KMT2C: variants seen among roughly 807,000 people sequenced by gnomAD.
The protein encoded by KMT2C is lysine methyltransferase 2C, also known as histone-lysine N-methyltransferase 2C.
KMT2C carries 88 observed loss-of-function variants against 507.9 expected under a neutral mutation model. The observed-to-expected ratio is 0.17, with a 90% CI of 0.15 to 0.21. The LOEUF is 0.21. Ranked by LOEUF, KMT2C falls within the 10% of genes least tolerant of loss-of-function variation. KMT2C has a pLI of 1.00. For synonymous variants in KMT2C, 2,049 were observed against 2,080.8 expected, an observed-to-expected ratio of 0.98 and a Z score of 0.42; for missense variants, 4,954 against 5,957.8, an observed-to-expected ratio of 0.83 and a Z score of 5.55.
At chr7:152,430,142 C>G (rs112514024) in intron 1 of KMT2C, among the ~76,000 whole-genome samples, 1 of 149,374 alleles carries the variant, frequency 6.7e-6, no homozygotes, top group African/African-American at 2.5e-5. Context: ...CACGCCACTG[C>G]ACTCCAGCCT....
chr7:152,224,599 A>T lies in KMT2C; in HGVS notation c.2994T>A (p.Leu998=), dbSNP rs761491435. Residue 998 remains leucine, a synonymous_variant, in exon 19 of 59, where the codon CTT becomes CTA. Coordinates refer to ENST00000262189, the MANE Select transcript of KMT2C (RefSeq NM_170606.3). ...CVSIKITKVV[L]SKGWRCLECT... ...ACTCAAGACACCTCCAACCTTTGCT[A>T]AGAACCACTTTAGTGATCTGTAAAA... The T allele has an allele frequency of 1.3e-5, 20 of 1,573,358 alleles. No individual in the cohort carries two copies. Among genetic ancestry groups the T allele is most frequent in the Admixed American group, 3.4e-5 (2 of 59,524 alleles).
At position 152,163,604 on chromosome 7, in the gene KMT2C, T is replaced by C; in HGVS notation, c.9973A>G (p.Ser3325Gly). ...QHTTVISGHT[S>G]PVRMPSLPGW... ...GGTAAACTGGGCATTCTAACAGGGC[T>C]AGTATGGCCAGAAATAACTGTTGTG... Residue 3325 changes from serine to glycine, a missense_variant, in exon 43 of 59, where the codon AGC becomes GGC. By Grantham distance (56) the Ser-to-Gly change is moderately conservative. This residue lies in a region of KMT2C where 801 missense variants were observed against 751.2 expected (regional missense o/e 1.07). Coordinates refer to ENST00000262189, the MANE Select transcript of KMT2C (RefSeq NM_170606.3). 3 of 1,606,710 alleles carry C rather than the reference T, an allele frequency of 1.9e-6. No homozygotes were observed. The highest frequency in any genetic ancestry group is 2.6e-6 in the Non-Finnish European group (3 of 1,175,672).
At chr7:152,433,787 C>T (rs1354440435) in intron 1 of KMT2C, among the ~76,000 whole-genome samples, 4 of 152,384 alleles carry the variant, frequency 2.6e-5, no homozygotes, top group Middle Eastern at 3.4e-3. Context: ...GTCCAGTGCA[C>T]TCAGGAGCTG....
intron 23 of KMT2C, among the ~76,000 whole-genome samples, chr7:152,209,365 G>A (rs1365864584): frequency 6.6e-6 from 1 of 150,752 alleles, no homozygotes; most frequent in Non-Finnish European, 1.5e-5. Flanking sequence ...GCTGAGGCAG[G>A]AGCATGGCGT....
intron 1 of KMT2C, among the ~76,000 whole-genome samples, chr7:152,375,208 G>A (rs918766288): frequency 2.0e-5 from 3 of 151,720 alleles, no homozygotes; most frequent in Non-Finnish European, 4.4e-5. Context: ...ACACCCAGCT[G>A]ATTTTTTATT....
intron 1 of KMT2C, among the ~76,000 whole-genome samples, chr7:152,364,254 G>A (rs1409064024): frequency 6.6e-6 from 1 of 152,152 alleles, no homozygotes; most frequent in Admixed American, 6.5e-5. Context: ...GAATATGAGA[G>A]AAACAGAAGA....
chr7:152,167,375 T>A lies in KMT2C; in HGVS notation c.9521A>T (p.Asp3174Val). 1.3e-6 allele frequency: 2 copies of A among 1,594,510 alleles called. No homozygotes were observed. The highest frequency in any genetic ancestry group is 1.7e-6 in the Non-Finnish European group (2 of 1,165,450). Residue 3174 changes from aspartate to valine, a missense_variant, in exon 42 of 59, where the codon GAT becomes GTT. Physicochemically the swap from Asp to Val is radical, Grantham distance 152. This residue lies in a region of KMT2C where 71 missense variants were observed against 139.2 expected (regional missense o/e 0.51). Coordinates refer to ENST00000262189, the MANE Select transcript of KMT2C (RefSeq NM_170606.3). ...CTCTTCATACTGCTTACGCTGTGAATCATCTGAGGAAAAATTAAAATTCAG... is the reference window on the plus strand; with the variant it reads ...CTCTTCATACTGCTTACGCTGTGAAACATCTGAGGAAAAATTAAAATTCAG... ...PPNFGPGFVN[D>V]SQRKQYEEWL...
chr7:152,188,383 G>T (rs1176574736), intron 31 of KMT2C, among the ~76,000 whole-genome samples: 2 of 151,642 alleles, frequency 1.3e-5, no homozygotes, highest in Non-Finnish European at 2.9e-5. Flanking sequence ...CTGTTATTTG[G>T]GTTAATTGAG....
chr7:152,177,057 T>A lies in KMT2C; in HGVS notation c.8396A>T (p.Gln2799Leu), dbSNP rs2129114138. ...AGAGAGAACCAGAGTTTTGTTTTCTTGTTCCTTTTTTTTTGGTTCAACAGA... is the reference window on the plus strand; with the variant it reads ...AGAGAGAACCAGAGTTTTGTTTTCTAGTTCCTTTTTTTTTGGTTCAACAGA... ...CVSVEPKKKE[Q>L]ENKTLVLSDK... is the part of the protein sequence containing the mutation. Residue 2799 changes from glutamine (Q) to leucine (L), a missense_variant, in exon 38 of 59, where the codon CAA (glutamine) becomes CTA (leucine). Around this residue, in one of 29 missense-constraint regions of KMT2C, gnomAD observed 1,689 missense variants for 1,654.3 expected, o/e 1.02. Coordinates refer to ENST00000262189, the MANE Select transcript of KMT2C (RefSeq NM_170606.3). The A allele has an allele frequency of 6.2e-7, 1 of 1,612,482 alleles. No individual in the cohort carries two copies. The highest frequency in any genetic ancestry group is 8.5e-7 in the Non-Finnish European group (1 of 1,179,700).
chr7:152,297,005 G>GAAAGAA (rs2096507627), intron 6 of KMT2C, among the ~76,000 whole-genome samples: 2 of 56,476 alleles, frequency 3.5e-5, no homozygotes, highest in African/African-American at 2.0e-4. Context: ...GAAAAAGAAA[G>GAAAGAA]AAAGAAAGAA....
intron 39 of KMT2C, among the ~76,000 whole-genome samples, chr7:152,173,633 C>G (rs1214588566): frequency 6.6e-6 from 1 of 152,154 alleles, no homozygotes; most frequent in Non-Finnish European, 1.5e-5. Flanking sequence ...CTGTTTTTCT[C>G]CTAAGAGAGA....
At chr7:152,150,226 G>A (rs917432473) in intron 51 of KMT2C, among the ~76,000 whole-genome samples, 4 of 152,304 alleles carry the variant, frequency 2.6e-5, no homozygotes, top group African/African-American at 9.6e-5. Flanking sequence ...CATACTGTGA[G>A]CAAAGTGTTT....
In KMT2C at chr7:152,185,119, T is replaced by C. The variant is rs570428827; in HGVS notation, c.5082+439A>G. Among the ~76,000 whole-genome samples, 12 of 152,286 alleles carry C rather than the reference T, an allele frequency of 7.9e-5. No homozygotes were observed. In the East Asian group the frequency reaches 2.3e-3, roughly 29 times the overall value. On this transcript the variant is annotated intron_variant, in intron 34 of 58. Transcript: ENST00000262189. ...AATACTTAACACAATATAAATGCTATGTAAATCGTTGTTACATTGTTTTAA... is the reference window on the plus strand; with the variant it reads ...AATACTTAACACAATATAAATGCTACGTAAATCGTTGTTACATTGTTTTAA...
intron 27 of KMT2C, among the ~76,000 whole-genome samples, chr7:152,196,864 G>A (rs1046415710): frequency 1.4e-4 from 22 of 152,130 alleles, no homozygotes; most frequent in African/African-American, 3.6e-4. Context: ...GGGGCAAGCC[G>A]GGTTTGCCAA....
chr7:152,183,822 G>A (rs1440745421), intron 34 of KMT2C, among the ~76,000 whole-genome samples: 3 of 152,146 alleles, frequency 2.0e-5, no homozygotes, highest in African/African-American at 7.2e-5. Flanking sequence ...CTTGAACTCA[G>A]GAGGCGGAGG....
rs1361412897 is a variant in KMT2C, at chr7:152,389,243, A to C, written c.162-30568T>G. ...TAAATTTCTCAATTCTGGAGACTGG[A>C]AGTCCCAGCTACTCGGGAGGCTGAG... On this transcript the variant is annotated intron_variant, in intron 1 of 58. Transcript: ENST00000262189. Among the ~76,000 whole-genome samples the C allele has an allele frequency of 2.0e-5, 3 of 151,562 alleles. No individual in the cohort carries two copies. The South Asian group carries it at 6.2e-4, about 32-fold the overall frequency.
intron 1 of KMT2C, among the ~76,000 whole-genome samples, chr7:152,399,194 C>A (rs1487573059): frequency 6.6e-6 from 1 of 152,116 alleles, no homozygotes; most frequent in African/African-American, 2.4e-5. Context: ...TATATTTCTA[C>A]AACCTAACAC....
At chr7:152,165,436 A>G (rs2092684154) in intron 42 of KMT2C, among the ~76,000 whole-genome samples, 1 of 152,186 alleles carries the variant, frequency 6.6e-6, no homozygotes, top group Non-Finnish European at 1.5e-5. Context: ...TAAAAAAAAT[A>G]TACTTTATTA....
chr7:152,365,765 T>C (rs751350661), intron 1 of KMT2C, among the ~76,000 whole-genome samples: 2 of 152,202 alleles, frequency 1.3e-5, no homozygotes, highest in African/African-American at 2.4e-5. Context: ...TGTTTTATCT[T>C]TCTCTTTATG....
Sources: allele counts gnomAD v4.1 joint callset (sites outside exome capture counted in the v4.1 genomes callset), GRCh38; gene constraint gnomAD v4.1.1; regional missense constraint gnomAD v4.1.1; transcripts MANE v1.5; gene names NCBI Gene and HGNC (gene_info 2026-07-23, HGNC 2026-07-21).